CCDC146: variants seen among roughly 807,000 people sequenced by gnomAD.
CCDC146 encodes the protein coiled-coil domain containing 146.
CCDC146 carries 92 observed loss-of-function variants against 119.3 expected under a neutral mutation model. The observed-to-expected ratio is 0.77, with a 90% CI of 0.65 to 0.92. The LOEUF (loss-of-function observed/expected upper bound fraction) is 0.92. Among genes scored for constraint, CCDC146 ranks in the 40% least tolerant of loss-of-function variants. CCDC146 has a pLI of 0.00. For synonymous variants in CCDC146, 372 were observed against 371.8 expected, an observed-to-expected ratio of 1.00 and a Z score of -0.01; for missense variants, 1,000 against 1,103.0, an observed-to-expected ratio of 0.91 and a Z score of 1.32.
chr7:77,286,632 G>A (rs1793853072), intron 15 of CCDC146, among the ~76,000 whole-genome samples, 166 bp from the exon 16 acceptor site: 2 of 152,114 alleles, frequency 1.3e-5, no homozygotes, highest in Admixed American at 6.5e-5. Flanking sequence ...GAGCAGAAAC[G>A]TCACTTAACC....
chr7:77,135,038 T>C (rs1194881363), intron 1 of CCDC146, among the ~76,000 whole-genome samples: 1 of 152,244 alleles, frequency 6.6e-6, no homozygotes, highest in East Asian at 1.9e-4. Context: ...CAAATATTTA[T>C]TCCTTGATTT....
At chr7:77,206,178 G>A (rs1431143077) in intron 2 of CCDC146, among the ~76,000 whole-genome samples, 1 of 152,104 alleles carries the variant, frequency 6.6e-6, no homozygotes, top group Non-Finnish European at 1.5e-5. Flanking sequence ...GAATAATGAG[G>A]ATTGCCCATA....
At chr7:77,281,208 A>C (rs1212030989) in intron 14 of CCDC146, among the ~76,000 whole-genome samples, 2 of 152,092 alleles carry the variant, frequency 1.3e-5, no homozygotes, top group Admixed American at 1.3e-4. Flanking sequence ...TTTGAAGATC[A>C]ATGTCCTTTC....
At chr7:77,185,427 G>T (rs1435878297) in intron 2 of CCDC146, among the ~76,000 whole-genome samples, 1 of 152,198 alleles carries the variant, frequency 6.6e-6, no homozygotes, top group African/African-American at 2.4e-5. Context: ...TGGTTTGGCT[G>T]TGACCCCACC....
Position 77,278,924 on chromosome 7 carries a change from T to C in CCDC146, c.1530-13T>C. ...ATTTCATAAGTTTCAGTAAACACTT[T>C]GTATTTTTACAGACTGAGAGAGTTT... On this transcript the variant is annotated splice_polypyrimidine_tract_variant and intron_variant, in intron 12 of 18. Coordinates refer to ENST00000285871, the MANE Select transcript of CCDC146 (RefSeq NM_020879.3). 2 of 1,607,088 alleles carry C rather than the reference T, an allele frequency of 1.2e-6. No homozygotes were observed. The highest frequency in any genetic ancestry group is 1.7e-6 in the Non-Finnish European group (2 of 1,177,276).
intron 4 of CCDC146, among the ~76,000 whole-genome samples, chr7:77,242,773 C>T (rs1234358776): frequency 2.0e-5 from 3 of 149,628 alleles, no homozygotes; most frequent in African/African-American, 7.4e-5. Flanking sequence ...TCTGACAGTG[C>T]AAATATAATT....
chr7:77,136,986 C>A lies in CCDC146; in HGVS notation c.-12+14254C>A, dbSNP rs1464902399. ...AGATGTAATCCATCACATCAACAGG[C>A]TAAAAAAGAAAAATCATGTGACCAT... On this transcript the variant is annotated intron_variant, in intron 1 of 18. Transcript: ENST00000285871. 3.9e-5 allele frequency among the ~76,000 whole-genome samples: 6 copies of A among 152,028 alleles called. No individual in the cohort carries two copies. The South Asian group carries it at 1.2e-3, about 32-fold the overall frequency.
At chr7:77,146,111 G>A (rs1259542365) in intron 1 of CCDC146, among the ~76,000 whole-genome samples, 1 of 151,916 alleles carries the variant, frequency 6.6e-6, no homozygotes, top group Non-Finnish European at 1.5e-5. Flanking sequence ...CTTGTATTGG[G>A]TGCATACATA....
chr7:77,126,647 G>A (rs1461131254), intron 1 of CCDC146, among the ~76,000 whole-genome samples: 1 of 152,098 alleles, frequency 6.6e-6, no homozygotes, highest in African/African-American at 2.4e-5. Flanking sequence ...CTGGCAGGTT[G>A]TCTCTGAAGC....
At chr7:77,282,448 G>A (rs1293742935) in intron 14 of CCDC146, 109 bp from the exon 15 acceptor site, 1 of 670,828 alleles carries the variant, frequency 1.5e-6, no homozygotes, top group African/African-American at 1.8e-5. Context: ...TCCTCTGGAA[G>A]TATGCTATGT....
chr7:77,272,681 T>C (rs1262913038), intron 9 of CCDC146, among the ~76,000 whole-genome samples: 2 of 152,156 alleles, frequency 1.3e-5, no homozygotes, highest in South Asian at 2.1e-4. Flanking sequence ...CCTTGAATGG[T>C]ACCCTTTCCC....
chr7:77,213,434 C>T (rs569032583), intron 2 of CCDC146, among the ~76,000 whole-genome samples: 12 of 152,142 alleles, frequency 7.9e-5, no homozygotes, highest in East Asian at 7.7e-4. Flanking sequence ...GTAATCAGAT[C>T]GGGTTAATTA....
At position 77,256,449 on chromosome 7, in the gene CCDC146, G is replaced by T. The variant is rs1246782048; in HGVS notation, c.624G>T (p.Lys208Asn). ...NLREDLASKQ[K>N]QLLKEQKELE... ...GAGAAGATTTGGCATCTAAACAAAA[G>T]CAATTATTAAAAGAGCAGAAGGAAC... The change falls in exon 6 of 19, where the codon AAG (lysine) becomes AAT (asparagine). Residue 208 changes from lysine (K) to asparagine (N), a missense_variant. Lys to Asn is a moderately conservative substitution (Grantham distance 94). Transcript: ENST00000285871. 6.2e-7 allele frequency: 1 copy of T among 1,609,586 alleles called. No individual in the cohort carries two copies. The highest frequency in any genetic ancestry group is 1.7e-5 in the Admixed American group (1 of 58,948).
intron 1 of CCDC146, among the ~76,000 whole-genome samples, chr7:77,161,924 C>T (rs1022146691): frequency 1.6e-4 from 24 of 152,126 alleles, no homozygotes; most frequent in African/African-American, 5.8e-4. Flanking sequence ...TTTTTATGTA[C>T]TTGTTGGCCA....
At position 77,266,892 on chromosome 7, in the gene CCDC146, A is replaced by T. The variant is rs149950389; in HGVS notation, c.1173+4585A>T. Among the ~76,000 whole-genome samples, 630 of 152,296 alleles carry T rather than the reference A, an allele frequency of 4.1e-3. 4 individuals are homozygous for T. Among genetic ancestry groups the T allele is most frequent in the African/African-American group, 0.014 (591 of 41,546 alleles). ...ATCACAGAATGAAGGAACCAAGAGG[A>T]ATCTTAAAGATCATACTCTAAAAGC... On this transcript the variant is annotated intron_variant, in intron 9 of 18. Transcript: ENST00000285871.
chr7:77,188,629 A>G (rs113448095), intron 2 of CCDC146, among the ~76,000 whole-genome samples: 67 of 152,330 alleles, frequency 4.4e-4, no homozygotes, highest in African/African-American at 1.5e-3. Context: ...AAGAAGATGC[A>G]GTATTTGAGG....
chr7:77,192,695 C>T lies in CCDC146; in HGVS notation c.156+24871C>T, dbSNP rs760719972. ...ATCCCAGCACTTTGCGAGGCCTAGGCGGGTGGATCACGAGGTCAGGAGATC... is the reference window on the plus strand; with the variant it reads ...ATCCCAGCACTTTGCGAGGCCTAGGTGGGTGGATCACGAGGTCAGGAGATC... On this transcript the variant is annotated intron_variant, in intron 2 of 18. Transcript: ENST00000285871. Among the ~76,000 whole-genome samples the T allele has an allele frequency of 3.3e-5, 5 of 152,010 alleles. No individual in the cohort carries two copies. The East Asian group carries it at 5.8e-4, about 18-fold the overall frequency.
intron 2 of CCDC146, among the ~76,000 whole-genome samples, chr7:77,177,628 A>G (rs2150414135): frequency 6.6e-6 from 1 of 152,340 alleles, no homozygotes; most frequent in Middle Eastern, 3.4e-3. Context: ...ATTAAAACAA[A>G]GATAAATATG....
At chr7:77,212,183 A>G (rs1468787906) in intron 2 of CCDC146, among the ~76,000 whole-genome samples, 1 of 152,250 alleles carries the variant, frequency 6.6e-6, no homozygotes, top group Non-Finnish European at 1.5e-5. Flanking sequence ...ATTATAGTAC[A>G]GTAAGGTGAC....
Sources: allele counts gnomAD v4.1 joint callset (sites outside exome capture counted in the v4.1 genomes callset), GRCh38; gene constraint gnomAD v4.1.1; transcripts MANE v1.5; gene names NCBI Gene and HGNC (gene_info 2026-07-23, HGNC 2026-07-21).